IL16: variants seen among roughly 807,000 people sequenced by gnomAD.
IL16 encodes interleukin 16.
A neutral mutation model predicts 110.1 loss-of-function variants in IL16; 67 were observed. The ratio of observed to expected loss-of-function variants is 0.61; its 90% CI spans 0.50 to 0.75. The LOEUF is 0.75. Ranked by LOEUF, IL16 falls within the 30% of genes least tolerant of loss-of-function variation. IL16 has a pLI of 0.00. For synonymous variants in IL16, 689 were observed against 662.9 expected, an observed-to-expected ratio of 1.04 and a Z score of -0.61; for missense variants, 1,545 against 1,655.0, an observed-to-expected ratio of 0.93 and a Z score of 1.15.
In IL16 at chr15:81,301,442, C is replaced by T. The variant is rs1900280740; in HGVS notation, c.3248C>T (p.Ser1083Phe). 1 of 1,613,970 alleles carries T rather than the reference C, an allele frequency of 6.2e-7. No individual in the cohort carries two copies. Among genetic ancestry groups the T allele is most frequent in the South Asian group, 1.1e-5 (1 of 91,086 alleles). ...SSLQSGQSVI[S>F]LLSSEELKKL... ...CTTCAGTCTGGTCAGTCCGTTATCT[C>T]CCTGCTGAGCTCAGAAGAATTAAAA... is the stretch of plus-strand genomic sequence containing the variant. The change falls in exon 15 of 19, where the codon TCC becomes TTC. Residue 1083 changes from serine (S) to phenylalanine (F), a missense_variant. Physicochemically the swap from Ser to Phe is radical, Grantham distance 155 (BLOSUM62 -2). Coordinates refer to ENST00000683961, the MANE Select transcript of IL16 (RefSeq NM_172217.5).
chr15:81,305,578 A>T (rs893567923), intron 16 of IL16, among the ~76,000 whole-genome samples: 1 of 152,124 alleles, frequency 6.6e-6, no homozygotes. Flanking sequence ...CCTTGAGAAA[A>T]CTACTCTGGG....
chr15:81,206,395 T>G (rs891588045), intron 1 of IL16, among the ~76,000 whole-genome samples: 3 of 152,228 alleles, frequency 2.0e-5, no homozygotes, highest in Admixed American at 1.3e-4. Flanking sequence ...AGTAAAAATA[T>G]GGTATTTTAA....
At chr15:81,211,924 C>T (rs1266869746) in intron 1 of IL16, among the ~76,000 whole-genome samples, 2 of 152,144 alleles carry the variant, frequency 1.3e-5, no homozygotes, top group African/African-American at 4.8e-5. Context: ...AGGATTTTTA[C>T]ATCTATGTTC....
At position 81,225,417 on chromosome 15, in the gene IL16, C is replaced by T. The variant is rs576209749; in HGVS notation, c.18C>T (p.Arg6=). ...CTTTGAGGATGGAGTCGCACAGCCG[C>T]GCTGGAAAGAGCAGAAAATCTGCAA... MESHS[R]AGKSRKSAKF... Residue 6 remains arginine, a synonymous_variant, in exon 2 of 19, where the codon CGC becomes CGT. Transcript: ENST00000683961. 38 of 1,614,006 alleles carry T rather than the reference C, an allele frequency of 2.4e-5. No individual in the cohort carries two copies. The highest frequency in any genetic ancestry group is 2.2e-4 in the East Asian group (10 of 44,864).
rs1247116803 is a variant in IL16 at position 81,285,724 on chromosome 15, G to C, written c.1226G>C (p.Ser409Thr). The change falls in exon 10 of 19, where the codon AGT becomes ACT. Residue 409 changes from serine (S) to threonine (T), a missense_variant. Ser to Thr is a moderately conservative substitution (Grantham distance 58, BLOSUM62 1). Coordinates refer to ENST00000683961, the MANE Select transcript of IL16 (RefSeq NM_172217.5). ...LRCGDEIVEI[S>T]DSPVHCLTLN... ...TGTGGGGACGAGATTGTGGAAATCA[G>C]TGATTCCCCTGTGCACTGCCTGACG... 1.2e-6 allele frequency: 2 copies of C among 1,614,104 alleles called. No individual in the cohort carries two copies. The highest frequency in any genetic ancestry group is 4.5e-5 in the East Asian group (2 of 44,876).
At chr15:81,253,425 GT>G (rs1247742082) in intron 2 of IL16, among the ~76,000 whole-genome samples, 6 of 152,204 alleles carry the variant, frequency 3.9e-5, no homozygotes, top group Admixed American at 1.3e-4. Flanking sequence ...TCTGTAGGTT[GT>G]TTTTTCACTT....
At chr15:81,269,738 C>CACCCCAGTAGTCCTA in intron 5 of IL16, 90 bp downstream of exon 5, 1 of 896,208 alleles carries the variant, frequency 1.1e-6, no homozygotes, top group Non-Finnish European at 1.9e-6. Flanking sequence ...GGGAATAGGA[C>CACCCCAGTAGTCCTA]TACTGGGGTG....
intron 2 of IL16, among the ~76,000 whole-genome samples, chr15:81,236,278 C>A (rs1230567504): frequency 6.6e-6 from 1 of 152,188 alleles, no homozygotes; most frequent in African/African-American, 2.4e-5. Context: ...GCCTTCTTGG[C>A]AAGTGGGAAA....
chr15:81,189,550 G>T (rs1262357342), intron 1 of IL16, among the ~76,000 whole-genome samples: 1 of 152,200 alleles, frequency 6.6e-6, no homozygotes, highest in Non-Finnish European at 1.5e-5. Flanking sequence ...CTCCCAAAGA[G>T]TTAGGATTAC....
intron 6 of IL16, among the ~76,000 whole-genome samples, chr15:81,275,023 G>C (rs943532224): frequency 6.6e-6 from 1 of 152,078 alleles, no homozygotes; most frequent in African/African-American, 2.4e-5. Flanking sequence ...GGGAGCAGAT[G>C]AGAGAAGTGA....
intron 1 of IL16, among the ~76,000 whole-genome samples, chr15:81,198,858 A>C (rs1895696875): frequency 6.6e-6 from 1 of 150,558 alleles, no homozygotes. Context: ...TGTTTCTACT[A>C]AAAATACAAA....
rs138030250 is a variant in IL16 at position 81,306,715 on chromosome 15, C to T, written c.3805+170C>T. 781 of 800,344 alleles carry T rather than the reference C, an allele frequency of 9.8e-4. 14 individuals are homozygous for T. In the East Asian group the frequency reaches 0.015, roughly 16 times the overall value. The allele number at this position is 800,344 out of a possible 1,614,324, so 49.6% of individuals were successfully genotyped here. On this transcript the variant is annotated intron_variant, in intron 18 of 18. Coordinates refer to ENST00000683961, the MANE Select transcript of IL16 (RefSeq NM_172217.5). ...CAATTCTGCTTTTTCTACTTTTTCT[C>T]CTTTGCTCAGACATCCCCTCAATCC... is the stretch of plus-strand genomic sequence containing the variant.
chr15:81,252,014 A>G (rs1339806831), intron 2 of IL16, among the ~76,000 whole-genome samples: 1 of 152,210 alleles, frequency 6.6e-6, no homozygotes, highest in Non-Finnish European at 1.5e-5. Flanking sequence ...GTAAACAACT[A>G]TGGATATTTT....
intron 1 of IL16, among the ~76,000 whole-genome samples, chr15:81,207,128 C>T (rs766352488): frequency 1.3e-5 from 2 of 151,432 alleles, no homozygotes; most frequent in African/African-American, 2.4e-5. Flanking sequence ...CCCAGCTCCC[C>T]TGGGGAGGCT....
chr15:81,231,987 G>T (rs1320255458), intron 2 of IL16, among the ~76,000 whole-genome samples: 1 of 136,430 alleles, frequency 7.3e-6, no homozygotes, highest in East Asian at 2.2e-4. Flanking sequence ...ATTTACTGAA[G>T]CTTTCTAATA....
Position 81,277,256 on chromosome 15 carries a change from A to G in IL16, c.791-1561A>G, listed in dbSNP as rs987079553. Among the ~76,000 whole-genome samples, 9 of 152,166 alleles carry G rather than the reference A, an allele frequency of 5.9e-5. No individual in the cohort carries two copies. The East Asian group carries it at 1.2e-3, about 20-fold the overall frequency. On this transcript the variant is annotated intron_variant, in intron 6 of 18. Transcript: ENST00000683961. ...GTTGAAAGGGTCCAAAATACATTTA[A>G]TAGGAATTTTAGAAAGAATAGAGTG...
chr15:81,227,090 T>TA (rs1000064483), intron 2 of IL16, among the ~76,000 whole-genome samples: 6 of 152,008 alleles, frequency 3.9e-5, no homozygotes, highest in African/African-American at 1.4e-4. Context: ...AAGAGGGGTG[T>TA]AGGAGGGCTG....
At chr15:81,221,586 C>T (rs567314681) in intron 1 of IL16, among the ~76,000 whole-genome samples, 20 of 152,270 alleles carry the variant, frequency 1.3e-4, no homozygotes, top group Admixed American at 9.1e-4. Context: ...CTCTCCCTTC[C>T]TCCCTCTCGA....
At chr15:81,306,768 A>T in intron 18 of IL16, 1 of 591,136 alleles carries the variant, frequency 1.7e-6, no homozygotes, top group Non-Finnish European at 3.1e-6. Context: ...GTCTTCAAAA[A>T]TACCTAAGTC....
Sources: allele counts gnomAD v4.1 joint callset (sites outside exome capture counted in the v4.1 genomes callset), GRCh38; gene constraint gnomAD v4.1.1; transcripts MANE v1.5; gene names NCBI Gene and HGNC (gene_info 2026-07-23, HGNC 2026-07-21).